KCNH8: variants seen among roughly 807,000 people sequenced by gnomAD.
KCNH8 encodes the protein potassium voltage-gated channel subfamily H member 8, also known as voltage-gated delayed rectifier potassium channel KCNH8.
In KCNH8, 70 loss-of-function variants were observed where a neutral mutation model predicts 103.6. The ratio of observed to expected loss-of-function variants is 0.68; its 90% CI spans 0.56 to 0.82. KCNH8 has a LOEUF of 0.82. Ranked by LOEUF, KCNH8 falls within the 40% of genes least tolerant of loss-of-function variation. The pLI, the probability that KCNH8 is intolerant of heterozygous loss-of-function variation, is 0.00. For missense variants in KCNH8, 1,217 were observed against 1,329.9 expected (o/e 0.92, Z 1.32); for synonymous variants, 498 against 489.4 (o/e 1.02, Z -0.23).
intron 5 of KCNH8, among the ~76,000 whole-genome samples, chr3:19,366,899 T>C (rs2066019381): frequency 6.6e-6 from 1 of 152,076 alleles, no homozygotes; most frequent in South Asian, 2.1e-4. Context: ...CAGAAAACAT[T>C]CTGGCTACCT....
chr3:19,451,301 G>T lies in KCNH8; in HGVS notation c.1722G>T (p.Pro574=), dbSNP rs115503648. 1,999 of 1,613,836 alleles carry T rather than the reference G, an allele frequency of 1.2e-3. 20 individuals are homozygous for T. The African/African-American group carries it at 0.022, about 18-fold the overall frequency. The part of the protein sequence containing the change: ...SLHIKTSFCA[P]GEYLLRQGDA... ...ACATCAAAACCTCTTTCTGTGCTCC[G>T]GGGGAGTATCTGCTGCGTCAAGGGG... The change falls in exon 10 of 16, where the codon CCG becomes CCT. Residue 574 remains proline, a synonymous_variant. Transcript: ENST00000328405.
chr3:19,315,631 T>C (rs185537471), intron 3 of KCNH8, among the ~76,000 whole-genome samples: 42 of 152,136 alleles, frequency 2.8e-4, no homozygotes, highest in African/African-American at 8.2e-4. Context: ...CTATTAGTAG[T>C]TGGCTACTAT....
intron 3 of KCNH8, among the ~76,000 whole-genome samples, chr3:19,326,383 A>AT (rs1257267521): frequency 1.4e-5 from 2 of 144,204 alleles, no homozygotes; most frequent in Admixed American, 6.9e-5. Context: ...ATATATATAT[A>AT]ATAAATGATT....
At chr3:19,487,005 C>T (rs192364232) in intron 11 of KCNH8, among the ~76,000 whole-genome samples, 40 of 152,252 alleles carry the variant, frequency 2.6e-4, no homozygotes, top group East Asian at 1.2e-3. Context: ...GTACTTTTTG[C>T]GCACCCGACT....
rs1486150542 is a variant in KCNH8 at position 19,534,112 on chromosome 3, T to C, written c.*13T>C. The stretch of plus-strand genomic sequence containing the variant: ...CATAAATGTATGATATTAGTGCCCA[T>C]GATGCAGCAGCTAATTTCAAACCTA... On this transcript the variant is annotated 3_prime_UTR_variant, in exon 16 of 16. Coordinates refer to ENST00000328405, the MANE Select transcript of KCNH8 (RefSeq NM_144633.3). 6.3e-7 allele frequency: 1 copy of C among 1,584,364 alleles called. No individual in the cohort carries two copies. Among genetic ancestry groups the C allele is most frequent in the African/African-American group, 1.3e-5 (1 of 74,216 alleles).
intron 7 of KCNH8, among the ~76,000 whole-genome samples, chr3:19,423,103 T>C (rs1485542780): frequency 6.6e-6 from 1 of 152,036 alleles, no homozygotes; most frequent in African/African-American, 2.4e-5. Context: ...CAACCTGAAA[T>C]CTTGAGTATA....
intron 3 of KCNH8, among the ~76,000 whole-genome samples, chr3:19,313,648 C>G (rs1446318373): frequency 6.7e-6 from 1 of 148,966 alleles, no homozygotes; most frequent in African/African-American, 2.5e-5. Context: ...AGCCTAAGTT[C>G]TTGAAATTGA....
chr3:19,291,471 A>T (rs1023800821), intron 3 of KCNH8, among the ~76,000 whole-genome samples: 3 of 152,184 alleles, frequency 2.0e-5, no homozygotes, highest in African/African-American at 7.2e-5. Context: ...TTCAAAGAAC[A>T]TCTTTATTTC....
At chr3:19,524,669 GT>G (rs1489732811) in intron 15 of KCNH8, among the ~76,000 whole-genome samples, 1 of 151,862 alleles carries the variant, frequency 6.6e-6, no homozygotes, top group East Asian at 1.9e-4. Context: ...TTGGAGACTG[GT>G]TGTTTTCGTC....
At chr3:19,381,534 A>C (rs1218126097) in intron 5 of KCNH8, among the ~76,000 whole-genome samples, 1 of 152,174 alleles carries the variant, frequency 6.6e-6, no homozygotes, top group Non-Finnish European at 1.5e-5. Context: ...ATTCCTGCAA[A>C]TGAGAAAAAA....
At chr3:19,377,241 G>C (rs11713099) in intron 5 of KCNH8, among the ~76,000 whole-genome samples, 6,681 of 152,236 alleles carry the variant, frequency 0.044, 203 homozygotes, top group East Asian at 0.11. Context: ...TTTTCTGTTA[G>C]TTGCTGAAAC....
chr3:19,297,203 T>C lies in KCNH8; in HGVS notation c.442+15874T>C, dbSNP rs141332775. On this transcript the variant is annotated intron_variant, in intron 3 of 15. Transcript: ENST00000328405. ...AGGGAAGAATAGGGCAAAGCTCTTA[T>C]CACATTGGAACACATTTTTGAGAAG... Among the ~76,000 whole-genome samples the C allele has an allele frequency of 1.8e-3, 269 of 152,302 alleles. 1 individual carries two copies. The highest frequency in any genetic ancestry group is 6.2e-3 in the African/African-American group (256 of 41,562).
chr3:19,497,130 C>T (rs959656250), intron 11 of KCNH8, among the ~76,000 whole-genome samples: 2 of 151,868 alleles, frequency 1.3e-5, no homozygotes, highest in African/African-American at 2.4e-5. Context: ...GTTTATTTGG[C>T]TCTTCTCTCT....
At chr3:19,488,683 C>T (rs1048680465) in intron 11 of KCNH8, among the ~76,000 whole-genome samples, 1 of 152,084 alleles carries the variant, frequency 6.6e-6, no homozygotes, top group Non-Finnish European at 1.5e-5. Flanking sequence ...CCTTAGGATA[C>T]CATCTTAGCC....
rs913079591 is a variant in KCNH8, at chr3:19,376,114, T to C, written c.812-14367T>C. 4.8e-4 allele frequency among the ~76,000 whole-genome samples: 73 copies of C among 152,206 alleles called. 2 individuals carry two copies. Among genetic ancestry groups the C allele is most frequent in the Non-Finnish European group, 2.1e-4 (14 of 68,036 alleles). ...GAGGCAGGCAGGCCTCCTTGAGCTG[T>C]GGTGGGCTCCACCCAGTTCGAGCGT... On this transcript the variant is annotated intron_variant, in intron 5 of 15. Transcript: ENST00000328405.
intron 3 of KCNH8, among the ~76,000 whole-genome samples, chr3:19,304,053 A>G (rs1277826135): frequency 6.6e-6 from 1 of 152,166 alleles, no homozygotes. Context: ...GAAAATAAGC[A>G]AAAGTTTATA....
chr3:19,532,832 G>C (rs1408595827), intron 15 of KCNH8, among the ~76,000 whole-genome samples: 1 of 152,172 alleles, frequency 6.6e-6, no homozygotes, highest in East Asian at 1.9e-4. Flanking sequence ...CTTTAGATCA[G>C]GATGTATGTT....
chr3:19,503,102 C>G (rs1317633157), intron 11 of KCNH8, among the ~76,000 whole-genome samples: 1 of 151,308 alleles, frequency 6.6e-6, no homozygotes, highest in East Asian at 1.9e-4. Flanking sequence ...ACAACCCCAT[C>G]AAAAAGTGGG....
At chr3:19,228,774 G>A (rs989383370) in intron 1 of KCNH8, among the ~76,000 whole-genome samples, 11 of 152,188 alleles carry the variant, frequency 7.2e-5, no homozygotes, top group Admixed American at 7.2e-4. Context: ...GGAAACTTAT[G>A]AATAAAGCTA....
Sources: gnomAD v4.1 joint callset for allele counts (sites outside exome capture counted in the v4.1 genomes callset) on GRCh38, gnomAD v4.1.1 for gene constraint, MANE v1.5 for transcripts, NCBI Gene and HGNC (gene_info 2026-07-23, HGNC 2026-07-21) for gene names.